Variants in CDH13 observed in about 807,000 individuals in gnomAD.
The protein encoded by CDH13 is cadherin 13, also known as cadherin-13.
A neutral mutation model predicts 63.8 loss-of-function variants in CDH13; 24 were observed. The ratio of observed to expected loss-of-function variants is 0.38; its 90% CI spans 0.27 to 0.53. The LOEUF is 0.53. CDH13 is among the 20% of genes least tolerant of loss of function. CDH13 has a pLI of 0.85. For missense variants in CDH13, 1,049 were observed against 903.1 expected (o/e 1.16, Z -2.07); for synonymous variants, 503 against 355.3 (o/e 1.42, Z -4.67).
At chr16:82,814,801 G>C (rs1376242086) in intron 1 of CDH13, among the ~76,000 whole-genome samples, 1 of 152,134 alleles carries the variant, frequency 6.6e-6, no homozygotes, top group East Asian at 1.9e-4. Context: ...CCACAACCTG[G>C]GCCTTGTGAC....
intron 5 of CDH13, among the ~76,000 whole-genome samples, chr16:83,303,965 T>C (rs1307775551): frequency 2.0e-5 from 3 of 152,156 alleles, no homozygotes; most frequent in Non-Finnish European, 4.4e-5. Context: ...TTTGCCTATC[T>C]GATAGGATGA....
chr16:83,337,674 C>A (rs983680589), intron 5 of CDH13, among the ~76,000 whole-genome samples: 4 of 105,766 alleles, frequency 3.8e-5, no homozygotes, highest in Non-Finnish European at 5.1e-5. Flanking sequence ...TGTGTAGTGT[C>A]ATGGAAGGAA....
intron 5 of CDH13, among the ~76,000 whole-genome samples, chr16:83,277,075 G>C (rs1412269793): frequency 4.6e-5 from 7 of 152,040 alleles, no homozygotes; most frequent in Non-Finnish European, 1.0e-4. Context: ...GATGAAATTT[G>C]GGTGGCAACA....
intron 5 of CDH13, among the ~76,000 whole-genome samples, chr16:83,339,401 C>T (rs752427720): frequency 2.7e-4 from 41 of 152,158 alleles, no homozygotes; most frequent in Non-Finnish European, 5.1e-4. Context: ...AATAGTTTTG[C>T]CCTCTCTAGG....
chr16:82,747,740 T>G (rs769373496), intron 1 of CDH13, among the ~76,000 whole-genome samples: 1 of 152,212 alleles, frequency 6.6e-6, no homozygotes, highest in Non-Finnish European at 1.5e-5. Context: ...AAGGTGTACT[T>G]TTTAAGTGTC....
chr16:83,629,651 T>C (rs576276771), intron 8 of CDH13, among the ~76,000 whole-genome samples: 34 of 152,314 alleles, frequency 2.2e-4, no homozygotes, highest in African/African-American at 7.9e-4. Context: ...AAAATTACAC[T>C]CCCTCATTTA....
intron 13 of CDH13, among the ~76,000 whole-genome samples, chr16:83,787,675 G>A (rs772262426): frequency 1.3e-3 from 196 of 152,316 alleles, no homozygotes; most frequent in Non-Finnish European, 2.5e-3. Flanking sequence ...AGGTGCGGTG[G>A]CTCACCCCTG....
chr16:83,012,911 C>T (rs1289458157), intron 2 of CDH13, among the ~76,000 whole-genome samples: 1 of 152,114 alleles, frequency 6.6e-6, no homozygotes, highest in Admixed American at 6.5e-5. Flanking sequence ...AAAGGCAATA[C>T]AATACACATG....
chr16:83,424,855 C>T (rs748968218), intron 6 of CDH13, among the ~76,000 whole-genome samples: 2 of 152,144 alleles, frequency 1.3e-5, no homozygotes, highest in Non-Finnish European at 2.9e-5. Context: ...GTGCACTCTC[C>T]CTTTGTTCTA....
At chr16:83,486,379 G>C in intron 6 of CDH13, 98 bp from the exon 7 acceptor site, 1 of 899,288 alleles carries the variant, frequency 1.1e-6, no homozygotes, top group Non-Finnish European at 1.7e-6. Context: ...AAAGTGATGG[G>C]CACACTGCTG....
At chr16:83,599,205 C>T (rs1468367830) in intron 7 of CDH13, among the ~76,000 whole-genome samples, 2 of 152,208 alleles carry the variant, frequency 1.3e-5, no homozygotes, top group Admixed American at 6.5e-5. Context: ...TCCTGTAGCA[C>T]ATCCCCACAG....
intron 4 of CDH13, among the ~76,000 whole-genome samples, chr16:83,192,716 C>T (rs1567494345): frequency 6.6e-6 from 1 of 152,118 alleles, no homozygotes; most frequent in Admixed American, 6.5e-5. Context: ...GTTCCCATGG[C>T]TGTGAATTCC....
chr16:82,923,362 G>T (rs529758011), intron 2 of CDH13, among the ~76,000 whole-genome samples: 2 of 152,168 alleles, frequency 1.3e-5, no homozygotes, highest in Non-Finnish European at 2.9e-5. Context: ...TTATAGTAAG[G>T]GTTCAGTACA....
At chr16:83,271,208 A>C (rs1218929390) in intron 5 of CDH13, among the ~76,000 whole-genome samples, 6 of 151,946 alleles carry the variant, frequency 3.9e-5, no homozygotes, top group Non-Finnish European at 8.8e-5. Context: ...AGAAAACAGT[A>C]CAACTGAATC....
chr16:83,033,119 G>C (rs1916525158), intron 3 of CDH13, among the ~76,000 whole-genome samples: 1 of 152,060 alleles, frequency 6.6e-6, no homozygotes, highest in African/African-American at 2.4e-5. Context: ...TATGGTATAT[G>C]TGCATGTAAT....
At chr16:82,634,825 T>C (rs1453331183) in intron 1 of CDH13, among the ~76,000 whole-genome samples, 1 of 152,224 alleles carries the variant, frequency 6.6e-6, no homozygotes, top group African/African-American at 2.4e-5. Flanking sequence ...CCCAAGCACT[T>C]GAGCAACTTG....
Position 83,780,168 on chromosome 16 carries a change from C to G in CDH13, c.1882C>G (p.Pro628Ala), listed in dbSNP as rs1340261198. 1 of 1,607,842 alleles carries G rather than the reference C, an allele frequency of 6.2e-7. No individual in the cohort carries two copies. Among genetic ancestry groups the G allele is most frequent in the Non-Finnish European group, 8.5e-7 (1 of 1,176,722 alleles). The change falls in exon 12 of 14, where the codon CCT becomes GCT. Residue 628 changes from proline to alanine, a missense_variant. Physicochemically the swap from Pro to Ala is conservative, Grantham distance 27 (BLOSUM62 -1). Coordinates refer to ENST00000567109, the MANE Select transcript of CDH13 (RefSeq NM_001257.5). ...ATTTGAAATCCACAAACAAGCTGTT[C>G]CTGATAAAGTCTGGAAGATCTCCAA... ...FKFEIHKQAV[P>A]DKVWKISKIN... is the part of the protein sequence containing the mutation.
At position 83,797,793 on chromosome 16, in the gene CDH13, T is replaced by C. The variant is rs1904289644; in HGVS notation, c.*2763T>C. 1.3e-5 allele frequency: 2 copies of C among 152,212 alleles called. No homozygotes were observed. Among genetic ancestry groups the C allele is most frequent in the African/African-American group, 4.8e-5 (2 of 41,442 alleles). The allele number at this position is 152,212 out of a possible 1,614,324, so 9.4% of individuals were successfully genotyped here. The stretch of plus-strand genomic sequence containing the variant: ...TTCCACTGAGCAAATAGTCACACCT[T>C]CACTTCTTTTTATTAATACTCAACC... On this transcript the variant is annotated 3_prime_UTR_variant, in exon 14 of 14. Transcript: ENST00000567109.
chr16:83,113,239 G>C (rs977170579), intron 3 of CDH13, among the ~76,000 whole-genome samples: 4 of 152,262 alleles, frequency 2.6e-5, no homozygotes, highest in South Asian at 2.1e-4. Flanking sequence ...AACTGAGAGT[G>C]GCAGCTTTAC....
Sources: gnomAD v4.1 joint callset for allele counts (sites outside exome capture counted in the v4.1 genomes callset) on GRCh38, gnomAD v4.1.1 for gene constraint, MANE v1.5 for transcripts, NCBI Gene and HGNC (gene_info 2026-07-23, HGNC 2026-07-21) for gene names.